Variants in ADAMTS20 observed in about 807,000 individuals in gnomAD.
ADAMTS20 encodes A disintegrin and metalloproteinase with thrombospondin motifs 20.
A neutral mutation model predicts 260.1 loss-of-function variants in ADAMTS20; 225 were observed. That is an observed-to-expected ratio of 0.87 (90% CI 0.78 to 0.97). The LOEUF (loss-of-function observed/expected upper bound fraction) is 0.97. ADAMTS20 is among the 50% of genes least tolerant of loss of function. The probability of loss-of-function intolerance (pLI) is 0.00; values close to 1 mark genes in which losing one functional copy is unlikely to be tolerated. For missense variants in ADAMTS20, 2,400 were observed against 2,337.7 expected (o/e 1.03, Z -0.55); for synonymous variants, 802 against 769.5 (o/e 1.04, Z -0.70).
chr12:43,468,517 T>C, intron 8 of ADAMTS20, 83 bp downstream of exon 8: 1 of 850,608 alleles, frequency 1.2e-6, no homozygotes. Flanking sequence ...AAGGTACTAA[T>C]TACTCAACTG....
At chr12:43,451,366 C>T (rs972808395) in intron 14 of ADAMTS20, among the ~76,000 whole-genome samples, 1 of 152,094 alleles carries the variant, frequency 6.6e-6, no homozygotes, top group Non-Finnish European at 1.5e-5. Context: ...TGACCTACAA[C>T]CCTGTTAAAT....
chr12:43,551,058 C>T lies in ADAMTS20; in HGVS notation c.304G>A (p.Ala102Thr), dbSNP rs760886524. The change falls in exon 2 of 39, where the codon GCC becomes ACC. Residue 102 changes from alanine to threonine, a missense_variant. By Grantham distance (58) the Ala-to-Thr change is moderately conservative. Transcript: ENST00000389420. This position sits in a 1 kb window ranked among gnomAD's most constrained non-coding sequence, Gnocchi z 4.6. ...NLTADASFLA[A>T]GYTEVHLGTP... ...CCCAAGTGCACCTCGGTGTAGCCGG[C>T]GGCCAGAAAGGATGCATCGGCGGTC... 6.2e-7 allele frequency: 1 copy of T among 1,613,654 alleles called. No homozygotes were observed. Among genetic ancestry groups the T allele is most frequent in the Non-Finnish European group, 8.5e-7 (1 of 1,179,772 alleles).
At chr12:43,509,547 A>C (rs1592103328) in intron 3 of ADAMTS20, among the ~76,000 whole-genome samples, 1 of 152,284 alleles carries the variant, frequency 6.6e-6, no homozygotes, top group East Asian at 1.9e-4. Context: ...ATTAAATCCA[A>C]CATAGTTTTT....
At chr12:43,433,493 G>A (rs1941488753) in intron 19 of ADAMTS20, among the ~76,000 whole-genome samples, 1 of 152,032 alleles carries the variant, frequency 6.6e-6, no homozygotes, top group African/African-American at 2.4e-5. Context: ...AACTTATATA[G>A]GCAGTTCTAC....
At chr12:43,431,220 T>A in intron 22 of ADAMTS20, 112 bp downstream of exon 22, 1 of 1,153,314 alleles carries the variant, frequency 8.7e-7, no homozygotes, top group South Asian at 1.6e-5. Flanking sequence ...TGTTTTTTAA[T>A]AAACCAAGCC....
chr12:43,443,643 T>C, intron 16 of ADAMTS20, 148 bp downstream of exon 16: 1 of 530,216 alleles, frequency 1.9e-6, no homozygotes, highest in Non-Finnish European at 3.4e-6. Context: ...CTTAAGAACA[T>C]ATGTATAGGG....
chr12:43,429,619 G>T lies in ADAMTS20; in HGVS notation c.3487C>A (p.Pro1163Thr). The T allele has an allele frequency of 6.3e-7, 1 of 1,585,432 alleles. No homozygotes were observed. The highest frequency in any genetic ancestry group is 2.3e-5 in the East Asian group (1 of 44,376). The change falls in exon 24 of 39, where the codon CCA (proline) becomes ACA (threonine). Residue 1163 changes from proline to threonine, a missense_variant and splice_region_variant. Coordinates refer to ENST00000389420, the MANE Select transcript of ADAMTS20 (RefSeq NM_025003.5). ...ATCTATTAAAGAAATTCACTTACTG[G>T]GGTCCAAGAACCATGTCGCCATTGT... ...MAQWRHGSWT[P>T]CSVSCGRGTQ...
chr12:43,502,056 T>A, intron 4 of ADAMTS20, 96 bp downstream of exon 4: 1 of 1,188,884 alleles, frequency 8.4e-7, no homozygotes, highest in Non-Finnish European at 1.1e-6. Context: ...CAAAATTACA[T>A]CTAAAGAGTT....
In ADAMTS20 at chr12:43,399,114, G is replaced by A; in HGVS notation, c.4404C>T (p.Ala1468=). The change falls in exon 29 of 39, where the codon GCC becomes GCT. Residue 1468 remains alanine, a synonymous_variant. Coordinates refer to ENST00000389420, the MANE Select transcript of ADAMTS20 (RefSeq NM_025003.5). ...ATGAAGGGCATCTGACAGATCTACA[G>A]GCTTTGTGAGTTGGAGGTTTCTGTA... is the stretch of plus-strand genomic sequence containing the variant. ...SQVQKPPTHK[A]CRSVRCPSWK... The A allele has an allele frequency of 4.5e-6, 7 of 1,550,760 alleles. No homozygotes were observed. Among genetic ancestry groups the A allele is most frequent in the Non-Finnish European group, 6.1e-6 (7 of 1,146,176 alleles).
chr12:43,405,878 T>C (rs988377048), intron 28 of ADAMTS20, among the ~76,000 whole-genome samples: 8 of 152,240 alleles, frequency 5.3e-5, no homozygotes, highest in African/African-American at 1.9e-4. Flanking sequence ...TCGTTGAAAA[T>C]GTAAGCACTT....
chr12:43,512,910 T>C (rs1452268894), intron 3 of ADAMTS20, among the ~76,000 whole-genome samples: 2 of 152,302 alleles, frequency 1.3e-5, no homozygotes, highest in East Asian at 3.9e-4. Flanking sequence ...TGGTAATATA[T>C]GAAGACTGTT....
rs1223946314 is a variant in ADAMTS20 at position 43,552,175 on chromosome 12, T to C, written c.-254A>G. ...GCCCGCGCTGCCCTCAGAAACTCTC[T>C]GCTCAGGTTCAGCTCGGCGCGGGGA... On this transcript the variant is annotated 5_prime_UTR_variant, in exon 1 of 39. Coordinates refer to ENST00000389420, the MANE Select transcript of ADAMTS20 (RefSeq NM_025003.5). Among the ~76,000 whole-genome samples, 4 of 152,214 alleles carry C rather than the reference T, an allele frequency of 2.6e-5. No homozygotes were observed. Among genetic ancestry groups the C allele is most frequent in the African/African-American group, 9.6e-5 (4 of 41,462 alleles).
chr12:43,524,086 T>G (rs1197435238), intron 3 of ADAMTS20, among the ~76,000 whole-genome samples: 1 of 151,170 alleles, frequency 6.6e-6, no homozygotes, highest in African/African-American at 2.4e-5. Flanking sequence ...AAGTAAACAT[T>G]GTGCCCAGGA....
At chr12:43,405,229 CAAAAAAAAAAA>C (rs869040570) in intron 28 of ADAMTS20, among the ~76,000 whole-genome samples, 30 of 52,778 alleles carry the variant, frequency 5.7e-4, no homozygotes, top group African/African-American at 9.7e-4. Flanking sequence ...CTCATCTCTA[CAAAAAAAAAAA>C]AAAAAAAAAA....
intron 31 of ADAMTS20, among the ~76,000 whole-genome samples, chr12:43,380,636 G>T (rs1940329172): frequency 6.6e-6 from 1 of 151,986 alleles, no homozygotes; most frequent in Non-Finnish European, 1.5e-5. Flanking sequence ...TAAGAAAAAT[G>T]AAACTAATAG....
chr12:43,458,040 G>T lies in ADAMTS20; in HGVS notation c.1615-3988C>A, dbSNP rs556543685. On this transcript the variant is annotated intron_variant, in intron 11 of 38. Transcript: ENST00000389420. ...CCATGACATAGCCTCAGGAAGTCCT[G>T]ATGACATGTGCCAAAGGTGGTGGGG... Among the ~76,000 whole-genome samples the T allele has an allele frequency of 1.4e-4, 21 of 152,338 alleles. No individual in the cohort carries two copies. The South Asian group carries it at 4.4e-3, about 32-fold the overall frequency.
intron 2 of ADAMTS20, among the ~76,000 whole-genome samples, chr12:43,534,313 C>T (rs12320503): frequency 0.015 from 2,251 of 151,654 alleles, 52 homozygotes; most frequent in African/African-American, 0.05. Context: ...AAAAAGTGGG[C>T]GAAGGACATG....
intron 16 of ADAMTS20, among the ~76,000 whole-genome samples, chr12:43,442,259 C>CT (rs201877057): frequency 0.076 from 10,590 of 139,322 alleles, 515 homozygotes; most frequent in Non-Finnish European, 0.098. Context: ...GTGAACATTT[C>CT]TTTTTTTTTT....
chr12:43,397,999 CA>C (rs1306305640), intron 29 of ADAMTS20, among the ~76,000 whole-genome samples: 1 of 152,160 alleles, frequency 6.6e-6, no homozygotes, highest in Non-Finnish European at 1.5e-5. Context: ...CTTTTGACCC[CA>C]GGGGAAACTC....
Sources: gnomAD v4.1 joint callset for allele counts (sites outside exome capture counted in the v4.1 genomes callset) on GRCh38, gnomAD v4.1.1 for gene constraint, Gnocchi (gnomAD v3.1) non-coding constraint, MANE v1.5 for transcripts, NCBI Gene and HGNC (gene_info 2026-07-23, HGNC 2026-07-21) for gene names.